The following NEXMIF variants were observed in gnomAD, a reference collection of about 807,000 sequenced individuals.
NEXMIF encodes XLMR protein related to neurite extension.
A neutral mutation model predicts 62.1 loss-of-function variants in NEXMIF; 8 were observed. The ratio of observed to expected loss-of-function variants is 0.13; its 90% confidence interval spans 0.08 to 0.23. NEXMIF has a LOEUF of 0.23. Ranked by LOEUF, NEXMIF falls within the 10% of genes least tolerant of loss-of-function variation. NEXMIF has a pLI of 1.00. For synonymous variants in NEXMIF, 404 were observed against 416.6 expected, an observed-to-expected ratio of 0.97 and a Z score of 0.37; for missense variants, 976 against 1,113.3, an observed-to-expected ratio of 0.88 and a Z score of 1.75.
In NEXMIF at chrX:74,744,167, G is replaced by A. The variant is rs1445810642; in HGVS notation, c.390C>T (p.Gly130=). 1 of 1,209,474 alleles carries A rather than the reference G, an allele frequency of 8.3e-7. No homozygotes were observed. Among genetic ancestry groups the A allele is most frequent in the African/African-American group, 1.8e-5 (1 of 57,055 alleles). The change falls in exon 3 of 4, where the codon GGC becomes GGT. Residue 130 remains glycine, a synonymous_variant. Transcript: ENST00000055682. ...GACAGTCCCCATTCAGAGCTGACATGCCTGCAGGCTCCATTATGGCAAATG... is the reference window on the plus strand; with the variant it reads ...GACAGTCCCCATTCAGAGCTGACATACCTGCAGGCTCCATTATGGCAAATG... ...KAPFAIMEPA[G]MSALNGDCLM... is the part of the protein sequence containing the mutation.
rs780243726 is a variant in NEXMIF, at chrX:74,921,396, C to T, written c.-48+3487G>A. On this transcript the variant is annotated intron_variant, in intron 1 of 3. Coordinates refer to ENST00000055682, the MANE Select transcript of NEXMIF (RefSeq NM_001008537.3). ...GTTGTGATGTACTTACAAACAGAGC[C>T]ACTTGTTGTTTGAGAAGACACGAAT... 5.4e-5 allele frequency among the ~76,000 whole-genome samples: 6 copies of T among 111,923 alleles called. No individual in the cohort carries two copies. The East Asian group carries it at 1.7e-3, about 31-fold the overall frequency.
intron 1 of NEXMIF, among the ~76,000 whole-genome samples, chrX:74,781,274 C>T (rs746933387): frequency 1.8e-5 from 2 of 112,523 alleles, no homozygotes; most frequent in South Asian, 3.7e-4. Flanking sequence ...GAGGTTGCTA[C>T]GATCTCCTTT....
At chrX:74,800,329 C>T (rs2080325627) in intron 1 of NEXMIF, among the ~76,000 whole-genome samples, 1 of 111,295 alleles carries the variant, frequency 9.0e-6, no homozygotes, top group Non-Finnish European at 1.9e-5. Context: ...AAAATAATGC[C>T]CTTGCGTGCT....
chrX:74,796,163 TATATATATTATATATATAC>T (rs1470280695), intron 1 of NEXMIF, among the ~76,000 whole-genome samples: 33 of 40,875 alleles, frequency 8.1e-4, no homozygotes, highest in African/African-American at 2.0e-3. Flanking sequence ...ACATATATAT[TATATATATTATATATATAC>T]ATATATATTA....
At chrX:74,805,518 T>A (rs987851169) in intron 1 of NEXMIF, among the ~76,000 whole-genome samples, 1 of 112,338 alleles carries the variant, frequency 8.9e-6, no homozygotes, top group Non-Finnish European at 1.9e-5. Flanking sequence ...TTTAATGAGG[T>A]CCCACTTGTA....
chrX:74,842,653 A>G (rs1366581804), intron 1 of NEXMIF, among the ~76,000 whole-genome samples: 1 of 111,929 alleles, frequency 8.9e-6, no homozygotes, highest in Non-Finnish European at 1.9e-5. Context: ...TGTGTCCCAG[A>G]GATTCTGGCA....
intron 1 of NEXMIF, among the ~76,000 whole-genome samples, chrX:74,907,357 C>T: frequency 1.1e-5 from 1 of 87,830 alleles, no homozygotes; most frequent in Non-Finnish European, 2.2e-5. Flanking sequence ...CCCCTTACCT[C>T]ACTGTTCAAA....
At chrX:74,761,088 G>A (rs1418864391) in intron 1 of NEXMIF, among the ~76,000 whole-genome samples, 2 of 109,385 alleles carry the variant, frequency 1.8e-5, no homozygotes, top group African/African-American at 3.3e-5. Flanking sequence ...CAGGCTGGTC[G>A]TGAGCTCCTG....
At chrX:74,822,509 T>TA (rs2080400487) in intron 1 of NEXMIF, among the ~76,000 whole-genome samples, 1 of 111,959 alleles carries the variant, frequency 8.9e-6, no homozygotes, top group Admixed American at 9.5e-5. Flanking sequence ...GGAACATGTA[T>TA]CTAGAATATA....
intron 1 of NEXMIF, among the ~76,000 whole-genome samples, chrX:74,878,421 A>G (rs1260458678): frequency 3.6e-5 from 4 of 112,529 alleles, no homozygotes; most frequent in African/African-American, 1.3e-4. Flanking sequence ...TTAAGTCGGC[A>G]GAGGTTACTG....
intron 1 of NEXMIF, among the ~76,000 whole-genome samples, chrX:74,903,281 C>A (rs1316062791): frequency 2.0e-5 from 2 of 101,822 alleles, no homozygotes; most frequent in Non-Finnish European, 3.9e-5. Context: ...CAATTCAAAA[C>A]CTTGAACATT....
chrX:74,749,958 G>A (rs769551464), intron 1 of NEXMIF, among the ~76,000 whole-genome samples: 3 of 111,833 alleles, frequency 2.7e-5, no homozygotes, highest in Non-Finnish European at 5.6e-5. Context: ...GCTGAAATAG[G>A]TACAAACAAG....
intron 1 of NEXMIF, among the ~76,000 whole-genome samples, chrX:74,810,106 C>T (rs1479723134): frequency 1.8e-5 from 2 of 112,024 alleles, no homozygotes; most frequent in African/African-American, 3.2e-5. Context: ...TTAATGATTG[C>T]AAATTATAAA....
At chrX:74,916,300 G>A (rs1307170652) in intron 1 of NEXMIF, among the ~76,000 whole-genome samples, 1 of 111,734 alleles carries the variant, frequency 8.9e-6, no homozygotes, top group Non-Finnish European at 1.9e-5. Context: ...CATAGGGGCT[G>A]GAAATCTTGT....
In NEXMIF at chrX:74,850,778, G is replaced by GCCT. The variant is rs1457504013; in HGVS notation, c.-48+74104_-48+74105insAGG. On this transcript the variant is annotated intron_variant, in intron 1 of 3. Transcript: ENST00000055682. ...AAGAAGCAACTGGCACACCAGATGT[G>GCCT]CAGATATCAATGGAGGGACACAAGA... is the stretch of plus-strand genomic sequence containing the variant. 1.8e-3 allele frequency among the ~76,000 whole-genome samples: 195 copies of GCCT among 110,901 alleles called. 1 individual carries two copies. Among genetic ancestry groups the GCCT allele is most frequent in the African/African-American group, 6.3e-3 (191 of 30,530 alleles).
chrX:74,915,312 TG>T (rs2080802984), intron 1 of NEXMIF, among the ~76,000 whole-genome samples: 1 of 111,933 alleles, frequency 8.9e-6, no homozygotes, highest in South Asian at 3.7e-4. Flanking sequence ...TATACACATG[TG>T]ATAAAGTGAT....
At chrX:74,747,908 T>C (rs758110114) in intron 1 of NEXMIF, among the ~76,000 whole-genome samples, 1 of 112,324 alleles carries the variant, frequency 8.9e-6, no homozygotes, top group African/African-American at 3.2e-5. Flanking sequence ...AGCAACTGTG[T>C]CTAGCCAATT....
At chrX:74,773,320 C>T (rs1161200741) in intron 1 of NEXMIF, among the ~76,000 whole-genome samples, 7 of 112,015 alleles carry the variant, frequency 6.2e-5, no homozygotes, top group African/African-American at 2.3e-4. Context: ...TTACTATCTC[C>T]TTTAATATAT....
At chrX:74,771,438 C>A (rs2080209855) in intron 1 of NEXMIF, among the ~76,000 whole-genome samples, 1 of 111,285 alleles carries the variant, frequency 9.0e-6, no homozygotes. Flanking sequence ...CCTGTTACTG[C>A]TAAACATTCT....
Sources: allele counts gnomAD v4.1 joint callset (sites outside exome capture counted in the v4.1 genomes callset), GRCh38; gene constraint gnomAD v4.1.1; transcripts MANE v1.5; gene names NCBI Gene and HGNC (gene_info 2026-07-23, HGNC 2026-07-21).